Variants in CUBN observed in about 807,000 individuals in gnomAD.
CUBN encodes the protein cubilin.
In CUBN, 282 loss-of-function variants were observed where a neutral mutation model predicts 405.3. The observed-to-expected ratio is 0.70, with a 90% CI of 0.63 to 0.77. CUBN has a LOEUF of 0.77. Among genes scored for constraint, CUBN ranks in the 30% least tolerant of loss-of-function variants. The pLI, the probability that CUBN is intolerant of heterozygous loss-of-function variation, is 0.00. For missense variants in CUBN, 4,514 were observed against 4,475.2 expected (o/e 1.01, Z -0.25); for synonymous variants, 1,684 against 1,617.0 (o/e 1.04, Z -0.99).
intron 58 of CUBN, among the ~76,000 whole-genome samples, chr10:16,872,436 G>C (rs1449093588): frequency 1.3e-5 from 2 of 151,954 alleles, no homozygotes; most frequent in African/African-American, 4.8e-5. Flanking sequence ...TGGTTGGAAT[G>C]TTTGTGTTCC....
intron 28 of CUBN, among the ~76,000 whole-genome samples, chr10:16,991,633 T>C (rs1420605906): frequency 1.2e-4 from 18 of 147,544 alleles, no homozygotes; most frequent in Non-Finnish European, 2.1e-4. Context: ...CTTTTTCTGT[T>C]TTTTTTTTTT....
At chr10:16,955,007 A>C (rs137995879) in intron 31 of CUBN, among the ~76,000 whole-genome samples, 2 of 152,338 alleles carry the variant, frequency 1.3e-5, no homozygotes, top group Non-Finnish European at 2.9e-5. Flanking sequence ...GGTAATGCTC[A>C]AGAGAAGAGA....
chr10:16,866,722 T>C (rs576804629), intron 59 of CUBN, among the ~76,000 whole-genome samples: 1 of 152,300 alleles, frequency 6.6e-6, no homozygotes, highest in South Asian at 2.1e-4. Flanking sequence ...TCATATAGCA[T>C]TGGAGCACAG....
chr10:16,930,358 T>G (rs983094950), intron 40 of CUBN, among the ~76,000 whole-genome samples: 11 of 152,222 alleles, frequency 7.2e-5, no homozygotes, highest in African/African-American at 1.9e-4. Context: ...CCATTTTGTA[T>G]ATGAGGAACT....
chr10:16,984,661 A>C (rs1160436176), intron 29 of CUBN, among the ~76,000 whole-genome samples: 1 of 152,186 alleles, frequency 6.6e-6, no homozygotes, highest in East Asian at 1.9e-4. Flanking sequence ...TCTGAATTTT[A>C]GGGGGACCTT....
rs115228551 is a variant in CUBN at position 16,850,214 on chromosome 10, C to T, written c.9663+1021G>A. 2.4e-3 allele frequency among the ~76,000 whole-genome samples: 366 copies of T among 152,264 alleles called. 1 individual carries two copies. Among genetic ancestry groups the T allele is most frequent in the African/African-American group, 8.4e-3 (348 of 41,548 alleles). On this transcript the variant is annotated intron_variant, in intron 60 of 66. Transcript: ENST00000377833. ...AGCCTGCATCGAATGCATTCATTAG[C>T]GCTTAAATGCTGACTATCCTGAACT...
chr10:17,085,502 A>C (rs1015989584), intron 16 of CUBN, 95 bp downstream of exon 16: 4 of 1,233,730 alleles, frequency 3.2e-6, no homozygotes, highest in Non-Finnish European at 4.8e-6. Flanking sequence ...TAAGACAGTC[A>C]GTCATCCTCT....
intron 31 of CUBN, among the ~76,000 whole-genome samples, chr10:16,973,127 G>T (rs1328970521): frequency 1.3e-5 from 2 of 152,100 alleles, no homozygotes; most frequent in African/African-American, 2.4e-5. Flanking sequence ...GTAGCCCCTT[G>T]GTCTCCACAT....
chr10:16,832,102 T>C (rs181404578), intron 64 of CUBN, among the ~76,000 whole-genome samples: 2 of 151,658 alleles, frequency 1.3e-5, no homozygotes, highest in African/African-American at 2.4e-5. Flanking sequence ...CTGTGTTTTA[T>C]GGGGAGAGAG....
At chr10:16,966,133 C>T (rs1411324448) in intron 31 of CUBN, among the ~76,000 whole-genome samples, 1 of 152,190 alleles carries the variant, frequency 6.6e-6, no homozygotes, top group African/African-American at 2.4e-5. Context: ...GCATCTGAAC[C>T]TGCAATCAAG....
chr10:16,895,518 T>A (rs1190623631), intron 54 of CUBN, among the ~76,000 whole-genome samples: 1 of 152,230 alleles, frequency 6.6e-6, no homozygotes, highest in Non-Finnish European at 1.5e-5. Context: ...CGAAGATTTG[T>A]CTACTTCTCT....
In CUBN at chr10:16,982,593, G is replaced by A. The variant is rs1251118545; in HGVS notation, c.4586C>T (p.Pro1529Leu). Reference sequence around the variant, plus strand: ...AGAACAGTCTGTGTTGCTCCTATAAGGACTGGGGTAATTTGGAGAATGAAT... The same window carrying A: ...AGAACAGTCTGTGTTGCTCCTATAAAGACTGGGGTAATTTGGAGAATGAAT... Reference protein sequence around the residue: ...GEIHSPNYPSPYRSNTDCSWV... With the variant: ...GEIHSPNYPSLYRSNTDCSWV... Residue 1529 changes from proline to leucine, a missense_variant, in exon 31 of 67, where the codon CCT becomes CTT. Physicochemically the swap from Pro to Leu is moderately conservative, Grantham distance 98. Transcript: ENST00000377833. The A allele has an allele frequency of 6.2e-7, 1 of 1,613,646 alleles. No individual in the cohort carries two copies. Among genetic ancestry groups the A allele is most frequent in the Non-Finnish European group, 8.5e-7 (1 of 1,179,602 alleles).
intron 8 of CUBN, among the ~76,000 whole-genome samples, chr10:17,111,980 G>T (rs1412280498): frequency 6.6e-6 from 1 of 152,152 alleles, no homozygotes; most frequent in African/African-American, 2.4e-5. Context: ...TTTGGGGAAA[G>T]AATTTTTTAA....
intron 19 of CUBN, among the ~76,000 whole-genome samples, chr10:17,070,209 T>C (rs1835707300): frequency 6.6e-6 from 1 of 152,230 alleles, no homozygotes; most frequent in Non-Finnish European, 1.5e-5. Flanking sequence ...GACTTGCAAT[T>C]GTGTTCCATA....
intron 9 of CUBN, among the ~76,000 whole-genome samples, 163 bp downstream of exon 9, chr10:17,110,756 C>T (rs1836754899): frequency 6.6e-6 from 1 of 152,170 alleles, no homozygotes; most frequent in Middle Eastern, 3.2e-3. Context: ...CTCCCGACCT[C>T]ATGTGATCTG....
At chr10:16,946,423 T>TA in intron 36 of CUBN, among the ~76,000 whole-genome samples, 1 of 151,264 alleles carries the variant, frequency 6.6e-6, no homozygotes, top group Non-Finnish European at 1.5e-5. Context: ...GAAAGTGTTC[T>TA]AAAAAATTAA....
chr10:16,887,766 TC>T (rs1840862876), intron 56 of CUBN, among the ~76,000 whole-genome samples: 1 of 152,228 alleles, frequency 6.6e-6, no homozygotes. Context: ...CAAGAGATTA[TC>T]TATACTGTCG....
intron 53 of CUBN, among the ~76,000 whole-genome samples, chr10:16,900,421 C>G (rs1328864740): frequency 6.6e-6 from 1 of 152,236 alleles, no homozygotes; most frequent in East Asian, 1.9e-4. Context: ...AAATGATCAA[C>G]CCATGCTTCC....
chr10:16,907,537 G>C lies in CUBN; in HGVS notation c.7676C>G (p.Thr2559Ser). 6.2e-7 allele frequency: 1 copy of C among 1,614,160 alleles called. No homozygotes were observed. ...TDGSRPYGGF[T>S]ASYTSSEDAV... ...ATCTTCACTGGAGGTATAGGAAGCAGTGAAGCCGCCATATGGCCTGGATCC... is the reference window on the plus strand; with the variant it reads ...ATCTTCACTGGAGGTATAGGAAGCACTGAAGCCGCCATATGGCCTGGATCC... Residue 2559 changes from threonine (T) to serine (S), a missense_variant, in exon 49 of 67, where the codon ACT (threonine) becomes AGT (serine). Physicochemically the swap from Thr to Ser is moderately conservative, Grantham distance 58. Coordinates refer to ENST00000377833, the MANE Select transcript of CUBN (RefSeq NM_001081.4).
Sources: allele counts gnomAD v4.1 joint callset (sites outside exome capture counted in the v4.1 genomes callset), GRCh38; gene constraint gnomAD v4.1.1; transcripts MANE v1.5; gene names NCBI Gene and HGNC (gene_info 2026-07-23, HGNC 2026-07-21).